The following DLG2 variants were observed in gnomAD, a reference collection of about 807,000 sequenced individuals.
DLG2 encodes the protein disks large homolog 2.
DLG2 carries 45 observed loss-of-function variants against 132.5 expected under a neutral mutation model. The ratio of observed to expected loss-of-function variants is 0.34; its 90% CI spans 0.27 to 0.44. The LOEUF is 0.44. DLG2 is among the 20% of genes least tolerant of loss of function. The pLI is 1.00. For synonymous variants in DLG2, 424 were observed against 419.6 expected (o/e 1.01, Z -0.13); for missense variants, 1,045 against 1,196.9 (o/e 0.87, Z 1.87).
chr11:84,519,559 C>A (rs1296282667), intron 7 of DLG2, among the ~76,000 whole-genome samples: 2 of 152,082 alleles, frequency 1.3e-5, no homozygotes, highest in African/African-American at 2.4e-5. Context: ...ATTTAGAGAA[C>A]CCTCCTGAAG....
chr11:85,594,152 G>C (rs964653793), intron 3 of DLG2, among the ~76,000 whole-genome samples: 1 of 152,156 alleles, frequency 6.6e-6, no homozygotes, highest in Non-Finnish European at 1.5e-5. Context: ...AAAATGCTAT[G>C]AGATACAATG....
intron 6 of DLG2, among the ~76,000 whole-genome samples, chr11:84,604,150 A>T (rs1262577056): frequency 6.6e-6 from 1 of 152,004 alleles, no homozygotes; most frequent in Non-Finnish European, 1.5e-5. Flanking sequence ...AAGATTGCAT[A>T]ACTAATTTAA....
At chr11:85,605,797 G>A (rs943775128) in intron 2 of DLG2, among the ~76,000 whole-genome samples, 5 of 152,142 alleles carry the variant, frequency 3.3e-5, no homozygotes, top group African/African-American at 9.7e-5. Flanking sequence ...TGACCAACAT[G>A]GTGAAACCCC....
At chr11:83,999,570 C>T (rs2094229910) in intron 11 of DLG2, among the ~76,000 whole-genome samples, 1 of 152,046 alleles carries the variant, frequency 6.6e-6, no homozygotes, top group Non-Finnish European at 1.5e-5. Context: ...CCACCTAGAC[C>T]CCCTAACATT....
At chr11:84,011,471 TAATA>T (rs542578802) in intron 11 of DLG2, among the ~76,000 whole-genome samples, 30 of 151,780 alleles carry the variant, frequency 2.0e-4, no homozygotes, top group African/African-American at 5.6e-4. Context: ...GCCTCATCTC[TAATA>T]AATAAATAAA....
At chr11:85,114,765 A>G (rs2152332933) in intron 5 of DLG2, among the ~76,000 whole-genome samples, 1 of 152,134 alleles carries the variant, frequency 6.6e-6, no homozygotes. Context: ...AAAGAACTCG[A>G]AAAGTGACCT....
intron 9 of DLG2, among the ~76,000 whole-genome samples, chr11:84,155,144 T>A (rs956641785): frequency 1.3e-5 from 2 of 152,232 alleles, no homozygotes; most frequent in Non-Finnish European, 2.9e-5. Flanking sequence ...AATTGTGGTA[T>A]ATATTGAGTA....
At chr11:83,828,233 G>C (rs531582326) in intron 17 of DLG2, among the ~76,000 whole-genome samples, 4 of 152,028 alleles carry the variant, frequency 2.6e-5, no homozygotes, top group Non-Finnish European at 5.9e-5. Context: ...CAATTATGGG[G>C]ATTATAAAAA....
intron 8 of DLG2, among the ~76,000 whole-genome samples, chr11:84,175,622 T>C (rs574199601): frequency 7.2e-5 from 11 of 152,264 alleles, no homozygotes; most frequent in Non-Finnish European, 1.3e-4. Context: ...TCAACAAATA[T>C]TTATTGAGTG....
chr11:84,563,276 T>G (rs2099434874), intron 6 of DLG2, among the ~76,000 whole-genome samples: 1 of 152,234 alleles, frequency 6.6e-6, no homozygotes, highest in African/African-American at 2.4e-5. Flanking sequence ...GAATGAGTGA[T>G]GCTACACCCA....
At chr11:84,888,358 C>T (rs1041276194) in intron 6 of DLG2, among the ~76,000 whole-genome samples, 6 of 152,120 alleles carry the variant, frequency 3.9e-5, no homozygotes, top group African/African-American at 1.4e-4. Context: ...CCTTCTTGAG[C>T]TGGGCTATCT....
At chr11:83,923,136 G>A (rs1293131657) in intron 15 of DLG2, among the ~76,000 whole-genome samples, 1 of 152,122 alleles carries the variant, frequency 6.6e-6, no homozygotes, top group Non-Finnish European at 1.5e-5. Flanking sequence ...GACCTCAGGG[G>A]ATTTGCCTGA....
intron 8 of DLG2, among the ~76,000 whole-genome samples, chr11:84,164,504 T>A (rs1398906201): frequency 1.3e-5 from 2 of 152,180 alleles, no homozygotes; most frequent in Non-Finnish European, 2.9e-5. Context: ...TTATACCCAG[T>A]ACCAGGGATT....
At chr11:85,544,290 T>C (rs922879147) in intron 3 of DLG2, among the ~76,000 whole-genome samples, 2 of 152,166 alleles carry the variant, frequency 1.3e-5, no homozygotes, top group Non-Finnish European at 2.9e-5. Context: ...TGTCAAAAAA[T>C]CAAATGGTGG....
At chr11:84,623,520 A>T (rs185334102) in intron 6 of DLG2, among the ~76,000 whole-genome samples, 1 of 152,224 alleles carries the variant, frequency 6.6e-6, no homozygotes, top group Non-Finnish European at 1.5e-5. Context: ...ATATTATCAC[A>T]GTTTTACAGA....
At chr11:83,531,614 T>A (rs150125097) in intron 21 of DLG2, among the ~76,000 whole-genome samples, 1 of 151,946 alleles carries the variant, frequency 6.6e-6, no homozygotes, top group African/African-American at 2.4e-5. Flanking sequence ...AAGCATAGAG[T>A]TACTATATGA....
At chr11:83,485,501 T>C (rs1447184284) in intron 21 of DLG2, among the ~76,000 whole-genome samples, 1 of 152,098 alleles carries the variant, frequency 6.6e-6, no homozygotes, top group East Asian at 1.9e-4. Context: ...AAAATTAAAA[T>C]CACTCCCCAA....
chr11:85,436,259 T>C (rs1032310850), intron 3 of DLG2, among the ~76,000 whole-genome samples: 7 of 152,114 alleles, frequency 4.6e-5, no homozygotes, highest in African/African-American at 1.4e-4. Flanking sequence ...GGCAAAGATT[T>C]TATTATGAAA....
At chr11:84,494,636 T>G (rs2099175430) in intron 7 of DLG2, among the ~76,000 whole-genome samples, 2 of 152,100 alleles carry the variant, frequency 1.3e-5, no homozygotes, top group Non-Finnish European at 2.9e-5. Flanking sequence ...TAAACATGGT[T>G]TCAGGAAAGA....
Sources: gnomAD v4.1 joint callset for allele counts (sites outside exome capture counted in the v4.1 genomes callset) on GRCh38, gnomAD v4.1.1 for gene constraint, MANE v1.5 for transcripts, NCBI Gene and HGNC (gene_info 2026-07-23, HGNC 2026-07-21) for gene names.